LEPR: variants seen among roughly 807,000 people sequenced by gnomAD.
LEPR encodes the protein leptin receptor.
Under a neutral mutation model 114.7 loss-of-function variants are expected in LEPR, and 56 were observed. That is an observed-to-expected ratio of 0.49 (90% CI 0.39 to 0.61). The LOEUF (loss-of-function observed/expected upper bound fraction) is 0.61, where lower values mean the gene tolerates loss of function less well. LEPR is among the 20% of genes least tolerant of loss of function. LEPR has a pLI of 0.00. For missense variants in LEPR, 1,202 were observed against 1,352.9 expected (o/e 0.89, Z 1.75); for synonymous variants, 443 against 461.4 (o/e 0.96, Z 0.51).
At chr1:65,556,316 A>G (rs190055180) in intron 2 of LEPR, among the ~76,000 whole-genome samples, 4 of 152,252 alleles carry the variant, frequency 2.6e-5, no homozygotes, top group Admixed American at 1.3e-4. Flanking sequence ...TAGCAGCCCA[A>G]ATGAATGAAG....
At chr1:65,533,339 T>C (rs936728558) in intron 2 of LEPR, among the ~76,000 whole-genome samples, 1 of 152,124 alleles carries the variant, frequency 6.6e-6, no homozygotes, top group Admixed American at 6.6e-5. Context: ...TTTTTAGAAC[T>C]TGACAAGCTG....
chr1:65,552,463 C>T (rs1042271029), intron 2 of LEPR, among the ~76,000 whole-genome samples: 1 of 152,074 alleles, frequency 6.6e-6, no homozygotes, highest in African/African-American at 2.4e-5. Flanking sequence ...ATGTCATGCT[C>T]TTTTTTGTCT....
intron 2 of LEPR, among the ~76,000 whole-genome samples, chr1:65,531,185 C>T (rs1029637255): frequency 3.3e-5 from 5 of 152,130 alleles, no homozygotes; most frequent in African/African-American, 1.2e-4. Context: ...GTTCCAGCCA[C>T]ACTGGGCTCC....
intron 2 of LEPR, among the ~76,000 whole-genome samples, chr1:65,550,940 G>A (rs556331573): frequency 3.9e-4 from 59 of 152,066 alleles, no homozygotes; most frequent in Non-Finnish European, 7.5e-4. Context: ...GACCAGAGCT[G>A]TTCCTATTCG....
intron 2 of LEPR, chr1:65,525,567 C>G: frequency 6.4e-6 from 6 of 939,396 alleles, no homozygotes; most frequent in Non-Finnish European, 7.6e-6. Context: ...GCGGAGGGCG[C>G]GGGGCGCACG....
intron 2 of LEPR, chr1:65,486,610 T>C (rs17412682): frequency 0.33 from 49,640 of 152,112 alleles, 10,345 homozygotes; most frequent in Non-Finnish European, 0.47. Flanking sequence ...AAAAGGTAAA[T>C]ATCTGATTTA....
At chr1:65,450,265 T>A (rs898304254) in intron 2 of LEPR, among the ~76,000 whole-genome samples, 8 of 152,134 alleles carry the variant, frequency 5.3e-5, no homozygotes, top group Non-Finnish European at 1.2e-4. Flanking sequence ...CCAGATTAAA[T>A]GCTTTTTTAA....
intron 6 of LEPR, among the ~76,000 whole-genome samples, chr1:65,593,339 T>C (rs1237766061): frequency 6.6e-6 from 1 of 151,982 alleles, no homozygotes; most frequent in Non-Finnish European, 1.5e-5. Flanking sequence ...AAAGAGTAAA[T>C]GAGTAATTTA....
chr1:65,472,433 C>CACACACACACAA (rs1428383962), intron 2 of LEPR, among the ~76,000 whole-genome samples: 6 of 143,382 alleles, frequency 4.2e-5, no homozygotes, highest in Non-Finnish European at 8.9e-5. Context: ...CACACACACA[C>CACACACACACAA]ACACACACAC....
intron 2 of LEPR, among the ~76,000 whole-genome samples, chr1:65,507,571 A>C (rs1024667741): frequency 1.8e-4 from 27 of 149,910 alleles, no homozygotes; most frequent in Admixed American, 6.0e-4. Context: ...ACAACATTAA[A>C]AAAAATCCAT....
intron 2 of LEPR, chr1:65,436,035 G>C (rs1646558752): frequency 1.0e-6 from 1 of 983,948 alleles, no homozygotes; most frequent in African/African-American, 1.7e-5. Context: ...ATTATTAAAT[G>C]AAAAAGTTTA....
chr1:65,434,101 G>A (rs1161843746), intron 2 of LEPR: 1 of 984,616 alleles, frequency 1.0e-6, no homozygotes, highest in Admixed American at 6.1e-5. Flanking sequence ...ATTACCTCTT[G>A]ATTGTATCTT....
intron 2 of LEPR, among the ~76,000 whole-genome samples, chr1:65,542,815 A>G (rs1198294264): frequency 1.3e-5 from 2 of 152,006 alleles, no homozygotes; most frequent in Non-Finnish European, 2.9e-5. Context: ...ATGGCTGCAT[A>G]GTATTCCATG....
chr1:65,598,489 T>A (rs553687338), intron 7 of LEPR, among the ~76,000 whole-genome samples, 171 bp from the exon 8 acceptor site: 9 of 152,276 alleles, frequency 5.9e-5, no homozygotes, highest in African/African-American at 2.2e-4. Flanking sequence ...TATTGACTAA[T>A]GTGCAAACTT....
At chr1:65,570,887 G>C in intron 4 of LEPR, 85 bp downstream of exon 4, 2 of 1,136,094 alleles carry the variant, frequency 1.8e-6, no homozygotes, top group South Asian at 4.8e-5. Flanking sequence ...TTATGGCTAT[G>C]ATTTTAACAT....
At chr1:65,565,269 T>C (rs555193178) in intron 2 of LEPR, among the ~76,000 whole-genome samples, 1 of 152,312 alleles carries the variant, frequency 6.6e-6, no homozygotes, top group East Asian at 1.9e-4. Flanking sequence ...ATTTCAGTCT[T>C]ATCCCGTGAT....
chr1:65,483,194 T>C (rs888105500), intron 2 of LEPR, among the ~76,000 whole-genome samples: 1 of 151,808 alleles, frequency 6.6e-6, no homozygotes, highest in Admixed American at 6.6e-5. Flanking sequence ...ATGTTGTGTG[T>C]GTGTGCGTGT....
intron 7 of LEPR, among the ~76,000 whole-genome samples, chr1:65,597,931 CTG>C (rs1479065801): frequency 8.4e-5 from 9 of 107,716 alleles, no homozygotes; most frequent in Non-Finnish European, 1.5e-4. Flanking sequence ...TTATTAATAT[CTG>C]ATGTTGTTTT....
chr1:65,590,752 A>G (rs878934760), intron 5 of LEPR, among the ~76,000 whole-genome samples: 1 of 151,976 alleles, frequency 6.6e-6, no homozygotes, highest in African/African-American at 2.4e-5. Flanking sequence ...AGCTTCTTTC[A>G]TGTTTTAAAA....
Sources: gnomAD v4.1 joint callset for allele counts (sites outside exome capture counted in the v4.1 genomes callset) on GRCh38, gnomAD v4.1.1 for gene constraint, MANE v1.5 for transcripts, NCBI Gene and HGNC (gene_info 2026-07-23, HGNC 2026-07-21) for gene names.